The following MRPS10 variants were observed in gnomAD, a reference collection of about 807,000 sequenced individuals.
MRPS10 encodes the protein small ribosomal subunit protein uS10m.
In MRPS10, 23 loss-of-function variants were observed where a neutral mutation model predicts 27.5. The observed-to-expected ratio is 0.84, with a 90% CI of 0.60 to 1.18. The LOEUF (loss-of-function observed/expected upper bound fraction) is 1.18, where lower values mean the gene tolerates loss of function less well. MRPS10 is among the 50% of genes most tolerant of loss of function. The pLI is 0.00. For synonymous variants in MRPS10, 88 were observed against 84.2 expected (o/e 1.04, Z -0.25); for missense variants, 237 against 240.1 (o/e 0.99, Z 0.09).
intron 3 of MRPS10, among the ~76,000 whole-genome samples, chr6:42,212,987 C>T (rs926933212): frequency 6.6e-6 from 1 of 152,240 alleles, no homozygotes; most frequent in Non-Finnish European, 1.5e-5. Flanking sequence ...AGGCTGGCAT[C>T]ACTAGGTCTG....
In MRPS10 at chr6:42,214,385, C is replaced by T. The variant is rs377456284; in HGVS notation, c.49-41G>A. 1.7e-5 allele frequency: 25 copies of T among 1,438,142 alleles called. No homozygotes were observed. In the East Asian group the frequency reaches 4.6e-4, roughly 26 times the overall value. 89.1% of individuals were successfully genotyped at this position (1,438,142 alleles called of 1,614,324 possible). A position where few individuals can be genotyped will look rare whatever the true frequency, so the allele number is the denominator to read the frequency against. Reference sequence around the variant, plus strand: ...GTAGGACATGTGTTAGAATTAAAGTCAACTACCAAACCATTCATAATTTCC... The same window carrying T: ...GTAGGACATGTGTTAGAATTAAAGTTAACTACCAAACCATTCATAATTTCC... On this transcript the variant is annotated intron_variant, in intron 1 of 6. Coordinates refer to ENST00000053468, the MANE Select transcript of MRPS10 (RefSeq NM_018141.4).
At chr6:42,217,705 T>G in intron 1 of MRPS10, 97 bp downstream of exon 1, 1 of 1,305,894 alleles carries the variant, frequency 7.7e-7, no homozygotes, top group Non-Finnish European at 1.1e-6. Flanking sequence ...GGGATAAATA[T>G]CAGGAAAAAT....
In MRPS10 at chr6:42,208,939, A is replaced by G; in HGVS notation, c.441T>C (p.His147=). ...RTLYRCLELE[H]LTGSTADVYL... ...AGACATCTGCTGTGCTTCCAGTTAG[A>G]TGTTCTAACTAAAACATCAAACATG... Residue 147 remains histidine, a synonymous_variant, in exon 6 of 7, where the codon CAT becomes CAC. Transcript: ENST00000053468. 1 of 1,604,076 alleles carries G rather than the reference A, an allele frequency of 6.2e-7. No homozygotes were observed. Among genetic ancestry groups the G allele is most frequent in the Non-Finnish European group, 8.5e-7 (1 of 1,172,550 alleles).
At chr6:42,214,982 A>C (rs959365378) in intron 1 of MRPS10, among the ~76,000 whole-genome samples, 2 of 152,214 alleles carry the variant, frequency 1.3e-5, no homozygotes, top group Non-Finnish European at 2.9e-5. Flanking sequence ...CAGTTTTAGG[A>C]AACAAACGAT....
rs189105523 is a variant in MRPS10 at position 42,214,814 on chromosome 6, C to A, written c.49-470G>T. Among the ~76,000 whole-genome samples the A allele has an allele frequency of 1.6e-4, 24 of 152,294 alleles. No individual in the cohort carries two copies. In the East Asian group the frequency reaches 4.2e-3, roughly 27 times the overall value. Reference sequence around the variant, plus strand: ...TGATGCTTTCATACATCTTTTAAAGCATACATATTTCTTAGCTTGGCTGGG... The same window carrying A: ...TGATGCTTTCATACATCTTTTAAAGAATACATATTTCTTAGCTTGGCTGGG... On this transcript the variant is annotated intron_variant, in intron 1 of 6. Coordinates refer to ENST00000053468, the MANE Select transcript of MRPS10 (RefSeq NM_018141.4).
Position 42,215,573 on chromosome 6 carries a change from C to T in MRPS10, c.49-1229G>A, listed in dbSNP as rs138242262. On this transcript the variant is annotated intron_variant, in intron 1 of 6. Transcript: ENST00000053468. ...TCCCAGATAGCTGGGACTACAGGCA[C>T]GGGCCACCAGGCCCAGCTAATATTT... 2.1e-3 allele frequency among the ~76,000 whole-genome samples: 326 copies of T among 151,978 alleles called. 2 individuals carry two copies. Among genetic ancestry groups the T allele is most frequent in the African/African-American group, 7.3e-3 (304 of 41,454 alleles).
In MRPS10 at chr6:42,217,788, A is replaced by G; in HGVS notation, c.48+14T>C. The G allele has an allele frequency of 6.2e-7, 1 of 1,614,034 alleles. No homozygotes were observed. The highest frequency in any genetic ancestry group is 1.1e-5 in the South Asian group (1 of 91,080). The stretch of plus-strand genomic sequence containing the variant: ...CCCGGTCAGCCCTCCTAGTCTCCCT[A>G]GCCAATCCAGTACCTGCCAGAGGCG... On this transcript the variant is annotated intron_variant, in intron 1 of 6. Transcript: ENST00000053468.
chr6:42,215,144 T>G (rs527589594), intron 1 of MRPS10, among the ~76,000 whole-genome samples: 1 of 152,026 alleles, frequency 6.6e-6, no homozygotes, highest in Non-Finnish European at 1.5e-5. Context: ...ATCCCAGCAC[T>G]TTGGGAGGCC....
rs1768990443 is a variant in MRPS10 at position 42,217,839 on chromosome 6, C to G, written c.11G>C (p.Arg4Pro). ...CCGGCACACAGCACCGAACGCTGTC[C>G]GCGCCGCCATCTTGCCGGTCCCGAC... is the stretch of plus-strand genomic sequence containing the variant. Reference protein sequence around the residue: MAARTAFGAVCRRL... With the variant: MAAPTAFGAVCRRL... The change falls in exon 1 of 7, where the codon CGG (arginine) becomes CCG (proline). Residue 4 changes from arginine (R) to proline (P), a missense_variant. Transcript: ENST00000053468. The G allele has an allele frequency of 1.2e-6, 2 of 1,614,130 alleles. No individual in the cohort carries two copies. The highest frequency in any genetic ancestry group is 1.1e-5 in the South Asian group (1 of 91,080).
chr6:42,211,737 T>C (rs1168032525), intron 4 of MRPS10, 44 bp downstream of exon 4: 2 of 1,535,970 alleles, frequency 1.3e-6, no homozygotes, highest in Middle Eastern at 1.8e-4. Flanking sequence ...TGGTTGATCA[T>C]ATTACAGCAG....
intron 1 of MRPS10, among the ~76,000 whole-genome samples, chr6:42,217,572 C>T (rs1459267618): frequency 6.6e-6 from 1 of 152,200 alleles, no homozygotes; most frequent in Non-Finnish European, 1.5e-5. Flanking sequence ...CCAGCTCTGA[C>T]ATTCTACGAT....
At chr6:42,216,379 A>AGTGTGTGTGT (rs1479117624) in intron 1 of MRPS10, among the ~76,000 whole-genome samples, 15 of 33,794 alleles carry the variant, frequency 4.4e-4, no homozygotes, top group East Asian at 4.9e-3. Context: ...AGAGAGAGAG[A>AGTGTGTGTGT]GAGAGAGTGT....
chr6:42,217,561 T>A (rs1197045812), intron 1 of MRPS10, among the ~76,000 whole-genome samples: 1 of 152,200 alleles, frequency 6.6e-6, no homozygotes, highest in Non-Finnish European at 1.5e-5. Flanking sequence ...CAAAATCTTT[T>A]CCAGCTCTGA....
intron 3 of MRPS10, among the ~76,000 whole-genome samples, chr6:42,213,596 G>C (rs1287097350): frequency 6.6e-6 from 1 of 152,156 alleles, no homozygotes; most frequent in Non-Finnish European, 1.5e-5. Flanking sequence ...TTATTTTTGA[G>C]GGGTGGAAAT....
At chr6:42,215,387 G>A (rs1768897947) in intron 1 of MRPS10, among the ~76,000 whole-genome samples, 1 of 124,490 alleles carries the variant, frequency 8.0e-6, no homozygotes, top group Admixed American at 8.3e-5. Flanking sequence ...TTTAGCATAA[G>A]TGAAGTTTCA....
At chr6:42,208,421 T>A (rs764094126) in intron 6 of MRPS10, 49 bp from the exon 7 acceptor site, 4 of 1,347,798 alleles carry the variant, frequency 3.0e-6, no homozygotes, top group Non-Finnish European at 4.2e-6. Flanking sequence ...ACAGAACTCT[T>A]TGACTACAAA....
Position 42,214,319 on chromosome 6 carries a change from GTGT to G in MRPS10, c.71_73del (p.Asn24del). ...ATTTTTGGCTGTATTGCCCTTAGAA[GTGT>G]TTACAGAAAAATTCCCCAATCCCTA... On this transcript the variant is annotated inframe_deletion, in exon 2 of 7. Transcript: ENST00000053468. 9 of 1,611,166 alleles carry G rather than the reference GTGT, an allele frequency of 5.6e-6. No homozygotes were observed. The highest frequency in any genetic ancestry group is 7.6e-6 in the Non-Finnish European group (9 of 1,178,574).
chr6:42,208,772 C>T, intron 6 of MRPS10, 86 bp downstream of exon 6: 1 of 926,154 alleles, frequency 1.1e-6, no homozygotes, highest in Non-Finnish European at 1.7e-6. Context: ...CTCAGTGGGC[C>T]AGGACCAGGC....
chr6:42,215,169 A>T lies in MRPS10; in HGVS notation c.49-825T>A, dbSNP rs185681938. ...TTTGGGAGGCCAAGGTGGGTGGATC[A>T]CTTGTAGTCAGGAGTTCCAGAGCAG... On this transcript the variant is annotated intron_variant, in intron 1 of 6. Coordinates refer to ENST00000053468, the MANE Select transcript of MRPS10 (RefSeq NM_018141.4). Among the ~76,000 whole-genome samples the T allele has an allele frequency of 1.2e-3, 187 of 152,088 alleles. 4 individuals are homozygous for T. The East Asian group carries it at 0.034, about 28-fold the overall frequency.
Sources: allele counts gnomAD v4.1 joint callset (sites outside exome capture counted in the v4.1 genomes callset), GRCh38; gene constraint gnomAD v4.1.1; transcripts MANE v1.5; gene names NCBI Gene and HGNC (gene_info 2026-07-23, HGNC 2026-07-21).